The following IRAK2 variants were observed in gnomAD, a reference collection of about 807,000 sequenced individuals.
IRAK2 encodes interleukin 1 receptor associated kinase 2.
A neutral mutation model predicts 72.0 loss-of-function variants in IRAK2; 57 were observed. The ratio of observed to expected loss-of-function variants is 0.79; its 90% CI spans 0.64 to 0.99. The LOEUF is 0.99. IRAK2 is among the 50% of genes least tolerant of loss of function. IRAK2 has a pLI of 0.00. For missense variants in IRAK2, 790 were observed against 794.4 expected, an observed-to-expected ratio of 0.99 and a Z score of 0.07; for synonymous variants, 293 against 312.7, an observed-to-expected ratio of 0.94 and a Z score of 0.67.
chr3:10,199,773 G>A (rs1478894835), intron 2 of IRAK2, among the ~76,000 whole-genome samples: 2 of 152,106 alleles, frequency 1.3e-5, no homozygotes, highest in South Asian at 2.1e-4. Flanking sequence ...AGACCGAGAG[G>A]AGGAAGGTGA....
intron 7 of IRAK2, among the ~76,000 whole-genome samples, chr3:10,217,534 C>T (rs1313185438): frequency 6.6e-6 from 1 of 152,096 alleles, no homozygotes; most frequent in Non-Finnish European, 1.5e-5. Flanking sequence ...AAATGTTCTT[C>T]TAATATATAC....
At chr3:10,190,602 A>G (rs942969491) in intron 2 of IRAK2, among the ~76,000 whole-genome samples, 3 of 152,118 alleles carry the variant, frequency 2.0e-5, no homozygotes, top group African/African-American at 7.2e-5. Flanking sequence ...GAATGCCTCT[A>G]AGCCAGTCCC....
At chr3:10,208,039 C>T (rs933096199) in intron 3 of IRAK2, among the ~76,000 whole-genome samples, 136 of 149,360 alleles carry the variant, frequency 9.1e-4, no homozygotes, top group Middle Eastern at 3.5e-3. Flanking sequence ...CCACTGATGA[C>T]TGTGTGCCCC....
chr3:10,213,576 T>G (rs780468685), intron 6 of IRAK2, 28 bp downstream of exon 6: 21 of 1,561,210 alleles, frequency 1.3e-5, no homozygotes, highest in Non-Finnish European at 1.8e-6. Context: ...TTAGTAATAA[T>G]GATAGCTAAC....
At chr3:10,203,767 C>A (rs747551846) in intron 3 of IRAK2, among the ~76,000 whole-genome samples, 1 of 152,114 alleles carries the variant, frequency 6.6e-6, no homozygotes, top group Non-Finnish European at 1.5e-5. Flanking sequence ...GAGTAGCTGG[C>A]ACTACAGGTG....
chr3:10,208,816 C>T (rs1391573673), intron 3 of IRAK2, among the ~76,000 whole-genome samples: 2 of 151,952 alleles, frequency 1.3e-5, no homozygotes, highest in African/African-American at 2.4e-5. Context: ...GTCATGTTGC[C>T]CAAGCTGATC....
chr3:10,202,805 C>T (rs1043235148), intron 3 of IRAK2, among the ~76,000 whole-genome samples: 3 of 150,678 alleles, frequency 2.0e-5, no homozygotes, highest in African/African-American at 7.3e-5. Flanking sequence ...AATCCTCCCA[C>T]TTCAGCCTCT....
intron 10 of IRAK2, among the ~76,000 whole-genome samples, chr3:10,231,849 G>A (rs1456377555): frequency 6.6e-6 from 1 of 152,008 alleles, no homozygotes; most frequent in African/African-American, 2.4e-5. Context: ...ATTCTTGGCC[G>A]GGCACGGTGG....
At chr3:10,242,090 C>T (rs777371965) in intron 12 of IRAK2, 26 bp from the exon 13 acceptor site, 2 of 1,337,622 alleles carry the variant, frequency 1.5e-6, no homozygotes, top group African/African-American at 1.4e-5. Context: ...TCAAGTCGCT[C>T]TTGTTTGCTT....
At chr3:10,234,956 CCT>C (rs1442938659) in intron 11 of IRAK2, among the ~76,000 whole-genome samples, 1 of 152,220 alleles carries the variant, frequency 6.6e-6, no homozygotes, top group Non-Finnish European at 1.5e-5. Context: ...CTTCCCCTTT[CCT>C]CTGTGTTCTC....
Position 10,243,702 on chromosome 3 carries a change from T to C in IRAK2, c.*1474T>C, listed in dbSNP as rs1263281066. The stretch of plus-strand genomic sequence containing the variant: ...GAAATATCCTATTTAAAGTAATCTA[T>C]AGTAATTTCTTTTTATATAATAAAA... On this transcript the variant is annotated 3_prime_UTR_variant, in exon 13 of 13. Coordinates refer to ENST00000256458, the MANE Select transcript of IRAK2 (RefSeq NM_001570.4). 2 of 152,402 alleles carry C rather than the reference T, an allele frequency of 1.3e-5. No individual in the cohort carries two copies. Among genetic ancestry groups the C allele is most frequent in the Admixed American group, 6.5e-5 (1 of 15,280 alleles). 9.4% of individuals were successfully genotyped at this position (152,402 alleles called of 1,614,324 possible).
chr3:10,182,449 A>G (rs1696974794), intron 2 of IRAK2, among the ~76,000 whole-genome samples: 1 of 150,216 alleles, frequency 6.7e-6, no homozygotes. Flanking sequence ...CGCCCGGCTA[A>G]TTTTTTGTAT....
intron 10 of IRAK2, among the ~76,000 whole-genome samples, chr3:10,227,575 G>A (rs1382303100): frequency 6.6e-6 from 1 of 152,148 alleles, no homozygotes; most frequent in African/African-American, 2.4e-5. Context: ...GAGGAAAGCT[G>A]GCTCTGAGTT....
intron 2 of IRAK2, among the ~76,000 whole-genome samples, chr3:10,198,750 T>G (rs1020387940): frequency 6.6e-6 from 1 of 152,108 alleles, no homozygotes; most frequent in African/African-American, 2.4e-5. Flanking sequence ...AGAGGCACAG[T>G]TGACCAGTTC....
Position 10,242,249 on chromosome 3 carries a change from A to T in IRAK2, c.*21A>T. ...CCTGATGACCGGAACACAGCTGAGG[A>T]CCCTTGTCCTCAGTTGGAAAGATGA... On this transcript the variant is annotated 3_prime_UTR_variant, in exon 13 of 13. Coordinates refer to ENST00000256458, the MANE Select transcript of IRAK2 (RefSeq NM_001570.4). The T allele has an allele frequency of 7.1e-7, 1 of 1,398,726 alleles. No homozygotes were observed. Among genetic ancestry groups the T allele is most frequent in the Admixed American group, 1.9e-5 (1 of 52,654 alleles). The allele number at this position is 1,398,726 out of a possible 1,614,324, so 86.6% of individuals were successfully genotyped here. A position where few individuals can be genotyped will look rare whatever the true frequency, so the allele number is the denominator to read the frequency against.
intron 7 of IRAK2, among the ~76,000 whole-genome samples, chr3:10,218,435 A>AC (rs1697638483): frequency 3.7e-5 from 5 of 133,674 alleles, no homozygotes; most frequent in African/African-American, 1.1e-4. Flanking sequence ...AAAAAAAAAA[A>AC]AAAAAAAAAA....
chr3:10,188,605 C>G (rs147086958), intron 2 of IRAK2, among the ~76,000 whole-genome samples: 42 of 152,358 alleles, frequency 2.8e-4, no homozygotes, highest in African/African-American at 9.6e-4. Context: ...CGGCTCACCA[C>G]AACCTCTGCC....
intron 2 of IRAK2, among the ~76,000 whole-genome samples, chr3:10,188,651 C>T (rs988129689): frequency 2.0e-5 from 3 of 151,972 alleles, no homozygotes; most frequent in South Asian, 4.2e-4. Flanking sequence ...CTGAGCCTCC[C>T]GAGTAGCTGG....
Position 10,177,989 on chromosome 3 carries a change from G to A in IRAK2, c.246G>A (p.Glu82=). The change falls in exon 2 of 13, where the codon GAG becomes GAA. Residue 82 remains glutamate (E), a synonymous_variant. Transcript: ENST00000256458. ...QQLVDLLCRL[E]LYRAAQIILN... ...TTGTGGACCTCCTGTGCCGCCTGGA[G>A]CTCTACCGGGCTGCCCAGATCATCC... 1.2e-6 allele frequency: 2 copies of A among 1,612,334 alleles called. No individual in the cohort carries two copies. The highest frequency in any genetic ancestry group is 1.7e-6 in the Non-Finnish European group (2 of 1,179,374).
Sources: allele counts gnomAD v4.1 joint callset (sites outside exome capture counted in the v4.1 genomes callset), GRCh38; gene constraint gnomAD v4.1.1; transcripts MANE v1.5; gene names NCBI Gene and HGNC (gene_info 2026-07-23, HGNC 2026-07-21).